The following GPC6 variants were observed in gnomAD, a reference collection of about 807,000 sequenced individuals.
GPC6 encodes glypican 6.
In GPC6, 14 loss-of-function variants were observed where a neutral mutation model predicts 55.2. That is an observed-to-expected ratio of 0.25 (90% confidence interval 0.17 to 0.40). GPC6 has a LOEUF of 0.40. Ranked by LOEUF, GPC6 falls within the 10% of genes least tolerant of loss-of-function variation. GPC6 has a pLI of 1.00. For missense variants in GPC6, 641 were observed against 708.5 expected, an observed-to-expected ratio of 0.90 and a Z score of 1.08; for synonymous variants, 278 against 259.6, an observed-to-expected ratio of 1.07 and a Z score of -0.68.
intron 6 of GPC6, among the ~76,000 whole-genome samples, chr13:94,311,019 G>A (rs986467716): frequency 9.9e-5 from 15 of 151,934 alleles, no homozygotes; most frequent in South Asian, 8.3e-4. Flanking sequence ...TTTGCTTTTC[G>A]TTTTCTACTT....
Position 93,383,168 on chromosome 13 carries a change from A to G in GPC6, c.160+155552A>G, listed in dbSNP as rs1202827214. ...TGAAACAATATCTCCAGTGCATTTG[A>G]TACCTCCCTAACATCATGACGATTA... is the stretch of plus-strand genomic sequence containing the variant. On this transcript the variant is annotated intron_variant, in intron 1 of 8. Coordinates refer to ENST00000377047, the MANE Select transcript of GPC6 (RefSeq NM_005708.5). 2.0e-5 allele frequency among the ~76,000 whole-genome samples: 3 copies of G among 152,272 alleles called. No homozygotes were observed. The East Asian group carries it at 5.8e-4, about 29-fold the overall frequency.
intron 4 of GPC6, among the ~76,000 whole-genome samples, chr13:94,103,132 T>C: frequency 6.6e-6 from 1 of 152,072 alleles, no homozygotes. Flanking sequence ...TGAGAACATG[T>C]GGTGTTTGGT....
At chr13:93,824,597 T>G (rs559034309) in intron 2 of GPC6, among the ~76,000 whole-genome samples, 1 of 152,294 alleles carries the variant, frequency 6.6e-6, no homozygotes, top group Admixed American at 6.5e-5. Flanking sequence ...ACTTTTTTTT[T>G]TTTAAACAAA....
chr13:94,344,777 T>C (rs1056393187), intron 6 of GPC6, among the ~76,000 whole-genome samples: 4 of 152,254 alleles, frequency 2.6e-5, no homozygotes, highest in African/African-American at 9.6e-5. Flanking sequence ...GCTTTGTCAC[T>C]AATAGGCAAC....
intron 1 of GPC6, among the ~76,000 whole-genome samples, chr13:93,540,294 G>A (rs978766349): frequency 2.0e-5 from 3 of 152,000 alleles, no homozygotes; most frequent in African/African-American, 7.2e-5. Context: ...TTATCATACA[G>A]AAAAAGTAAA....
chr13:93,788,520 C>T (rs1414425189), intron 2 of GPC6, among the ~76,000 whole-genome samples: 2 of 147,688 alleles, frequency 1.4e-5, no homozygotes, highest in Non-Finnish European at 3.0e-5. Flanking sequence ...TCACTCTTTA[C>T]ACACACACAC....
intron 2 of GPC6, among the ~76,000 whole-genome samples, chr13:93,652,870 A>G (rs1880479858): frequency 6.6e-6 from 1 of 152,220 alleles, no homozygotes; most frequent in African/African-American, 2.4e-5. Flanking sequence ...TTTCGGTATA[A>G]AAATACATCT....
At chr13:93,264,195 C>G (rs1489056807) in intron 1 of GPC6, among the ~76,000 whole-genome samples, 1 of 152,096 alleles carries the variant, frequency 6.6e-6, no homozygotes, top group Non-Finnish European at 1.5e-5. Flanking sequence ...TGCACCACTG[C>G]AGAAAATAGC....
At chr13:94,204,410 C>T (rs371941131) in intron 4 of GPC6, among the ~76,000 whole-genome samples, 23 of 152,138 alleles carry the variant, frequency 1.5e-4, no homozygotes, top group Non-Finnish European at 2.5e-4. Flanking sequence ...TGCCAGCCAA[C>T]GCCTACAAAA....
At chr13:94,213,946 TATGGCAATATAC>T (rs1594064723) in intron 4 of GPC6, among the ~76,000 whole-genome samples, 1 of 152,238 alleles carries the variant, frequency 6.6e-6, no homozygotes, top group East Asian at 1.9e-4. Context: ...TTAAGAGTTA[TATGGCAATATAC>T]ATTTTCTGAA....
intron 6 of GPC6, among the ~76,000 whole-genome samples, chr13:94,346,120 A>G (rs1594191432): frequency 2.6e-5 from 4 of 152,146 alleles, no homozygotes; most frequent in Non-Finnish European, 5.9e-5. Flanking sequence ...CACCAGTCAT[A>G]TTGGGTTAAG....
intron 3 of GPC6, among the ~76,000 whole-genome samples, chr13:93,976,575 G>A (rs1322046568): frequency 1.3e-5 from 2 of 150,812 alleles, no homozygotes; most frequent in Non-Finnish European, 3.0e-5. Flanking sequence ...TTGAGAGATC[G>A]CTTCTTAATC....
At position 94,271,053 on chromosome 13, in the gene GPC6, A is replaced by G. The variant is rs558654305; in HGVS notation, c.878-15296A>G. ...CGCCCAGGCTGGAGTGCAGTGGCGC[A>G]ATCTCGGCTCACTGCAAGCTCCAGC... On this transcript the variant is annotated intron_variant, in intron 4 of 8. Transcript: ENST00000377047. 2.9e-3 allele frequency among the ~76,000 whole-genome samples: 366 copies of G among 127,078 alleles called. 4 individuals are homozygous for G. The highest frequency in any genetic ancestry group is 9.9e-3 in the African/African-American group (330 of 33,284). The allele number at this position is 127,078 out of a possible 152,430, so 83.4% of individuals were successfully genotyped here. A position where few individuals can be genotyped will look rare whatever the true frequency, so the allele number is the denominator to read the frequency against.
intron 4 of GPC6, among the ~76,000 whole-genome samples, chr13:94,231,999 C>T (rs1041223038): frequency 6.6e-6 from 1 of 152,118 alleles, no homozygotes; most frequent in African/African-American, 2.4e-5. Context: ...CCAACAAGAG[C>T]CGACCATGTT....
intron 4 of GPC6, among the ~76,000 whole-genome samples, chr13:94,122,263 G>T (rs955306194): frequency 6.6e-6 from 1 of 152,080 alleles, no homozygotes. Flanking sequence ...CACTTTGCAG[G>T]CTTTTCTCAT....
chr13:94,275,006 G>A (rs1566623175), intron 4 of GPC6, among the ~76,000 whole-genome samples: 1 of 152,186 alleles, frequency 6.6e-6, no homozygotes, highest in Non-Finnish European at 1.5e-5. Context: ...GGAGAGTAGG[G>A]AGAGGGAGTT....
chr13:94,158,167 A>G (rs768710667), intron 4 of GPC6, among the ~76,000 whole-genome samples: 4 of 151,994 alleles, frequency 2.6e-5, no homozygotes, highest in Non-Finnish European at 5.9e-5. Context: ...ATGATACGCA[A>G]CCTCTCCATG....
chr13:93,807,031 T>C (rs568050953), intron 2 of GPC6, among the ~76,000 whole-genome samples: 32 of 152,316 alleles, frequency 2.1e-4, no homozygotes, highest in African/African-American at 7.0e-4. Flanking sequence ...TATAATAATA[T>C]CTTTGCAGCT....
intron 4 of GPC6, among the ~76,000 whole-genome samples, chr13:94,265,285 A>C (rs952472545): frequency 6.6e-6 from 1 of 152,320 alleles, no homozygotes; most frequent in South Asian, 2.1e-4. Context: ...TCCCACAATA[A>C]GCCATCTGCA....
Sources: allele counts gnomAD v4.1 joint callset (sites outside exome capture counted in the v4.1 genomes callset), GRCh38; gene constraint gnomAD v4.1.1; transcripts MANE v1.5; gene names NCBI Gene and HGNC (gene_info 2026-07-23, HGNC 2026-07-21).